Variants in ATG7 observed in about 807,000 individuals in gnomAD.
ATG7 encodes ubiquitin-like modifier-activating enzyme ATG7.
ATG7 carries 70 observed loss-of-function variants against 82.4 expected under a neutral mutation model. The ratio of observed to expected loss-of-function variants is 0.85; its 90% CI spans 0.70 to 1.04. The LOEUF (loss-of-function observed/expected upper bound fraction) is 1.04. ATG7 is among the 50% of genes least tolerant of loss of function. The pLI is 0.00. For missense variants in ATG7, 792 were observed against 864.3 expected (o/e 0.92, Z 1.05); for synonymous variants, 287 against 313.0 (o/e 0.92, Z 0.88).
intron 20 of ATG7, among the ~76,000 whole-genome samples, chr3:11,455,499 T>C (rs2085615370): frequency 6.6e-6 from 1 of 152,224 alleles, no homozygotes. Flanking sequence ...GCCTCCAGCA[T>C]ACTCATTTTG....
At chr3:11,375,287 GA>G (rs2077331472) in intron 18 of ATG7, among the ~76,000 whole-genome samples, 23 of 152,162 alleles carry the variant, frequency 1.5e-4, no homozygotes, top group Admixed American at 1.5e-3. Context: ...CCTTTATCCA[GA>G]ATATGTAACA....
Position 11,555,063 on chromosome 3 carries a change from G to A in ATG7, c.*220G>A. 1.8e-6 allele frequency: 1 copy of A among 567,354 alleles called. No individual in the cohort carries two copies. The highest frequency in any genetic ancestry group is 2.5e-5 in the South Asian group (1 of 40,382). 35.1% of individuals were successfully genotyped at this position (567,354 alleles called of 1,614,324 possible). On this transcript the variant is annotated 3_prime_UTR_variant, in exon 21 of 21. Coordinates refer to ENST00000693202, the MANE Select transcript of ATG7 (RefSeq NM_001349232.2). ...AGAGCTAAATAATAACCTTGGCCTT[G>A]GCCTTGCTATTGACCTGGGACTTGG...
intron 20 of ATG7, among the ~76,000 whole-genome samples, chr3:11,500,558 G>A (rs1181902760): frequency 6.6e-6 from 1 of 152,054 alleles, no homozygotes; most frequent in Non-Finnish European, 1.5e-5. Flanking sequence ...CAAAATTCTA[G>A]GCCATGTAGA....
In ATG7 at chr3:11,418,023, G is replaced by A. The variant is rs552586066; in HGVS notation, c.1957-8781G>A. The stretch of plus-strand genomic sequence containing the variant: ...GACGGGGGTTTCACTGTGTTAGCCA[G>A]GATGGTCTCGATCTCCTAACCTCGT... On this transcript the variant is annotated intron_variant, in intron 19 of 20. Coordinates refer to ENST00000693202, the MANE Select transcript of ATG7 (RefSeq NM_001349232.2). Among the ~76,000 whole-genome samples, 18 of 151,326 alleles carry A rather than the reference G, an allele frequency of 1.2e-4. No homozygotes were observed. The South Asian group carries it at 3.6e-3, about 30-fold the overall frequency.
At chr3:11,378,433 A>G (rs1046406085) in intron 18 of ATG7, among the ~76,000 whole-genome samples, 2 of 151,196 alleles carry the variant, frequency 1.3e-5, no homozygotes, top group South Asian at 4.2e-4. Context: ...CCGTAACCCC[A>G]GCACTTTGGG....
At chr3:11,518,507 A>G (rs1443716846) in intron 20 of ATG7, among the ~76,000 whole-genome samples, 4 of 151,882 alleles carry the variant, frequency 2.6e-5, no homozygotes, top group Admixed American at 6.6e-5. Flanking sequence ...AGATCGTGCT[A>G]CTGTACTCCA....
chr3:11,392,463 AAAAC>A (rs71628709), intron 19 of ATG7, among the ~76,000 whole-genome samples: 12 of 148,420 alleles, frequency 8.1e-5, no homozygotes, highest in Admixed American at 1.3e-4. Context: ...AATCATTAAA[AAAAC>A]AAACAAAAAA....
intron 20 of ATG7, among the ~76,000 whole-genome samples, chr3:11,433,436 A>C (rs1022317665): frequency 6.6e-6 from 1 of 152,188 alleles, no homozygotes; most frequent in African/African-American, 2.4e-5. Context: ...GAGTAGAATA[A>C]GTATCAGTTC....
intron 7 of ATG7, among the ~76,000 whole-genome samples, chr3:11,310,844 G>A (rs892452896): frequency 2.6e-5 from 4 of 152,118 alleles, no homozygotes; most frequent in Admixed American, 2.6e-4. Flanking sequence ...GTGTTAGCCA[G>A]GATGGTCTTG....
intron 20 of ATG7, among the ~76,000 whole-genome samples, chr3:11,548,824 G>A (rs938054635): frequency 6.6e-6 from 1 of 152,214 alleles, no homozygotes; most frequent in African/African-American, 2.4e-5. Flanking sequence ...AAGAGATCAT[G>A]CAGCAGGGGA....
At chr3:11,306,842 C>A in intron 5 of ATG7, 101 bp from the exon 6 acceptor site, 1 of 823,728 alleles carries the variant, frequency 1.2e-6, no homozygotes, top group Non-Finnish European at 2.0e-6. Flanking sequence ...GTTTGCCCTG[C>A]AGAGCAATAC....
At chr3:11,553,517 C>T (rs1370097087) in intron 20 of ATG7, among the ~76,000 whole-genome samples, 1 of 152,124 alleles carries the variant, frequency 6.6e-6, no homozygotes, top group Non-Finnish European at 1.5e-5. Flanking sequence ...GTTAGAAACA[C>T]AGCTCCCCTG....
At chr3:11,479,322 A>G (rs1184599945) in intron 20 of ATG7, among the ~76,000 whole-genome samples, 1 of 152,182 alleles carries the variant, frequency 6.6e-6, no homozygotes, top group East Asian at 1.9e-4. Flanking sequence ...AGAGATTACC[A>G]TATTTGTGTG....
chr3:11,316,579 A>G (rs1370744096), intron 9 of ATG7, among the ~76,000 whole-genome samples: 1 of 152,240 alleles, frequency 6.6e-6, no homozygotes, highest in African/African-American at 2.4e-5. Flanking sequence ...CAGGTCCAGT[A>G]CCTTGTACAA....
intron 20 of ATG7, among the ~76,000 whole-genome samples, chr3:11,433,972 C>T (rs746833487): frequency 1.3e-5 from 2 of 152,164 alleles, no homozygotes; most frequent in Non-Finnish European, 2.9e-5. Context: ...GATTCATTCA[C>T]TATAGAACTC....
intron 20 of ATG7, among the ~76,000 whole-genome samples, chr3:11,449,680 T>C (rs890508571): frequency 1.3e-5 from 2 of 152,160 alleles, no homozygotes; most frequent in African/African-American, 4.8e-5. Flanking sequence ...CAGAGAACTA[T>C]GTGGTTTTCT....
chr3:11,575,671 A>G, the ATG7 span, among the ~76,000 whole-genome samples: 1 of 152,266 alleles, frequency 6.6e-6, no homozygotes, highest in South Asian at 2.1e-4. Flanking sequence ...GATTTTAGTT[A>G]GAGACCTGTC....
At position 11,394,911 on chromosome 3, in the gene ATG7, C is replaced by G. The variant is rs563561491; in HGVS notation, c.1956+14859C>G. Among the ~76,000 whole-genome samples the G allele has an allele frequency of 8.5e-5, 13 of 152,102 alleles. No homozygotes were observed. In the South Asian group the frequency reaches 2.7e-3, roughly 32 times the overall value. ...ACCAGGCACACAAGAAGAGAAGGTACCATAAGTGAGAGTTGGCAGAAGCAA... is the reference window on the plus strand; with the variant it reads ...ACCAGGCACACAAGAAGAGAAGGTAGCATAAGTGAGAGTTGGCAGAAGCAA... On this transcript the variant is annotated intron_variant, in intron 19 of 20. Coordinates refer to ENST00000693202, the MANE Select transcript of ATG7 (RefSeq NM_001349232.2).
intron 20 of ATG7, among the ~76,000 whole-genome samples, chr3:11,481,952 C>T (rs2089037179): frequency 6.6e-6 from 1 of 152,210 alleles, no homozygotes; most frequent in Admixed American, 6.5e-5. Flanking sequence ...GGGGACCTAG[C>T]AGGTGGTAAG....
Sources: allele counts gnomAD v4.1 joint callset (sites outside exome capture counted in the v4.1 genomes callset), GRCh38; gene constraint gnomAD v4.1.1; transcripts MANE v1.5; gene names NCBI Gene and HGNC (gene_info 2026-07-23, HGNC 2026-07-21).